TEX264: variants seen among roughly 807,000 people sequenced by gnomAD.
TEX264 encodes testis expressed 264, ER-phagy receptor, also known as testis-expressed protein 264.
A neutral mutation model predicts 23.4 loss-of-function variants in TEX264; 13 were observed. That is an observed-to-expected ratio of 0.56 (90% confidence interval 0.36 to 0.88). The LOEUF (loss-of-function observed/expected upper bound fraction) is 0.88. Ranked by LOEUF, TEX264 falls within the 40% of genes least tolerant of loss-of-function variation. TEX264 has a pLI of 0.01. For missense variants in TEX264, 340 were observed against 406.8 expected (o/e 0.84, Z 1.41); for synonymous variants, 159 against 170.0 (o/e 0.94, Z 0.50).
chr3:51,699,812 A>G lies in TEX264; in HGVS notation c.649+238A>G, dbSNP rs142062982. On this transcript the variant is annotated intron_variant, in intron 4 of 4. Coordinates refer to ENST00000341333, the MANE Select transcript of TEX264 (RefSeq NM_015926.6). ...CACACATTACCTCCTGGCAACACAG[A>G]TACAAAGACCCTGCCTGGATTCCCT... Among the ~76,000 whole-genome samples the G allele has an allele frequency of 4.9e-3, 750 of 152,248 alleles. 4 individuals are homozygous for G. The highest frequency in any genetic ancestry group is 7.8e-3 in the Non-Finnish European group (532 of 68,002).
chr3:51,674,965 C>T (rs1456889860), intron 2 of TEX264, among the ~76,000 whole-genome samples: 1 of 152,232 alleles, frequency 6.6e-6, no homozygotes, highest in Non-Finnish European at 1.5e-5. Flanking sequence ...TTACATCTTG[C>T]TGTTTCTGTG....
chr3:51,694,390 C>G (rs1702977488), intron 3 of TEX264: 1 of 152,154 alleles, frequency 6.6e-6, no homozygotes, highest in African/African-American at 2.4e-5. Flanking sequence ...CTTGACCTCC[C>G]AAAGTGCTAG....
intron 1 of TEX264, among the ~76,000 whole-genome samples, chr3:51,672,827 A>G (rs566676064): frequency 2.0e-5 from 3 of 152,314 alleles, no homozygotes; most frequent in African/African-American, 7.2e-5. Context: ...GTGTTTCAAC[A>G]TTTAGACAGT....
chr3:51,688,971 C>A (rs1467355431), intron 3 of TEX264, among the ~76,000 whole-genome samples: 1 of 151,260 alleles, frequency 6.6e-6, no homozygotes, highest in African/African-American at 2.4e-5. Flanking sequence ...CTAAAAAAAA[C>A]AGAAAAAAAA....
intron 2 of TEX264, among the ~76,000 whole-genome samples, chr3:51,680,776 G>A (rs1325881096): frequency 1.3e-5 from 2 of 152,180 alleles, no homozygotes; most frequent in Non-Finnish European, 2.9e-5. Flanking sequence ...CCTAGGGTTC[G>A]GCCCAAATAC....
intron 3 of TEX264, among the ~76,000 whole-genome samples, chr3:51,694,193 G>A (rs559317789): frequency 3.3e-5 from 5 of 150,172 alleles, no homozygotes; most frequent in Admixed American, 3.3e-4. Flanking sequence ...GTGCAGTGGC[G>A]CGATCTCGGC....
intron 2 of TEX264, among the ~76,000 whole-genome samples, chr3:51,679,905 C>G (rs1430149201): frequency 6.6e-6 from 1 of 152,150 alleles, no homozygotes; most frequent in Non-Finnish European, 1.5e-5. Context: ...GTGCCTGTCT[C>G]CGTGTGCCTT....
Position 51,703,924 on chromosome 3 carries a change from T to A in TEX264, c.850T>A (p.Leu284Ile). ...EELDLEGEGP[L>I]GESRLDPGTE... The stretch of plus-strand genomic sequence containing the variant: ...GCTGGACTTGGAGGGCGAGGGGCCC[T>A]TAGGGGAGTCACGGCTGGACCCTGG... The change falls in exon 5 of 5, where the codon TTA (leucine) becomes ATA (isoleucine). Residue 284 changes from leucine (L) to isoleucine (I), a missense_variant. Coordinates refer to ENST00000341333, the MANE Select transcript of TEX264 (RefSeq NM_015926.6). The surrounding 1 kb of genome is among the most constrained non-coding windows in gnomAD (Gnocchi z 4.8). The A allele has an allele frequency of 6.2e-7, 1 of 1,606,374 alleles. No homozygotes were observed. Among genetic ancestry groups the A allele is most frequent in the African/African-American group, 1.3e-5 (1 of 74,884 alleles).
intron 2 of TEX264, chr3:51,684,149 C>T: frequency 2.0e-6 from 1 of 501,278 alleles, no homozygotes; most frequent in Admixed American, 3.4e-5. Flanking sequence ...CAAGTCTAAC[C>T]CCTCACTATG....
At chr3:51,677,567 G>C (rs940698017) in intron 2 of TEX264, among the ~76,000 whole-genome samples, 2 of 152,156 alleles carry the variant, frequency 1.3e-5, no homozygotes, top group Non-Finnish European at 2.9e-5. Context: ...GAGTAACCAG[G>C]TGAGAGGTGC....
chr3:51,699,657 C>T (rs1703210906), intron 4 of TEX264, 83 bp downstream of exon 4: 1 of 1,523,874 alleles, frequency 6.6e-7, no homozygotes, highest in Admixed American at 1.8e-5. Flanking sequence ...GGAGGCTCCT[C>T]CCTCTCTGGG....
intron 2 of TEX264, among the ~76,000 whole-genome samples, chr3:51,680,314 A>C (rs961451496): frequency 9.9e-5 from 15 of 152,202 alleles, no homozygotes; most frequent in African/African-American, 3.4e-4. Context: ...TCCCAGACTC[A>C]GCGAGGTCTT....
intron 3 of TEX264, among the ~76,000 whole-genome samples, chr3:51,692,217 C>T (rs1402408802): frequency 2.0e-5 from 3 of 152,196 alleles, no homozygotes; most frequent in Non-Finnish European, 4.4e-5. Context: ...GCCTTCTTCC[C>T]CAGGCAGATG....
intron 3 of TEX264, among the ~76,000 whole-genome samples, chr3:51,692,875 C>A (rs1702879126): frequency 6.6e-6 from 1 of 152,204 alleles, no homozygotes; most frequent in Non-Finnish European, 1.5e-5. Flanking sequence ...CACTCCTGTA[C>A]TCCCCAACCC....
intron 4 of TEX264, among the ~76,000 whole-genome samples, chr3:51,700,012 C>T (rs909251298): frequency 3.9e-4 from 59 of 152,106 alleles, no homozygotes; most frequent in African/African-American, 1.2e-3. Flanking sequence ...TCCCTCAGTA[C>T]GGGCCCCACC....
At position 51,686,766 on chromosome 3, in the gene TEX264, T is replaced by C. The variant is rs1183512204; in HGVS notation, c.480+2132T>C. On this transcript the variant is annotated intron_variant, in intron 3 of 4. Transcript: ENST00000341333. This position sits in a 1 kb window ranked among gnomAD's most constrained non-coding sequence, Gnocchi z 4.1. ...CTGCCTCTGGGGAGTCCCGCCCCATTTCATTCAAGGAAGGCCTCTCCAGTC... is the reference window on the plus strand; with the variant it reads ...CTGCCTCTGGGGAGTCCCGCCCCATCTCATTCAAGGAAGGCCTCTCCAGTC... Among the ~76,000 whole-genome samples, 2 of 151,948 alleles carry C rather than the reference T, an allele frequency of 1.3e-5. No homozygotes were observed. Among genetic ancestry groups the C allele is most frequent in the Non-Finnish European group, 2.9e-5 (2 of 67,976 alleles).
chr3:51,700,623 G>C (rs1009667440), intron 4 of TEX264, among the ~76,000 whole-genome samples: 4 of 152,080 alleles, frequency 2.6e-5, no homozygotes, highest in Non-Finnish European at 5.9e-5. Flanking sequence ...AGGGCAGGAA[G>C]ACAGAGTGCC....
chr3:51,682,370 G>A (rs1280069089), intron 2 of TEX264: 1 of 152,308 alleles, frequency 6.6e-6, no homozygotes, highest in African/African-American at 2.4e-5. Context: ...GTGCAAGGTA[G>A]ACTTATGGAG....
Position 51,703,575 on chromosome 3 carries a change from CAGGGTAG to C in TEX264, c.650-144_650-138del. On this transcript the variant is annotated intron_variant, in intron 4 of 4. Coordinates refer to ENST00000341333, the MANE Select transcript of TEX264 (RefSeq NM_015926.6). The surrounding 1 kb of genome is among the most constrained non-coding windows in gnomAD (Gnocchi z 4.8). Reference sequence around the variant, plus strand: ...TCTGCCCTGTCTGTGCAGCCCCAGTCAGGGTAGAGGGCAGAGGGCAGCTGGAGCAAGC... The same window carrying C: ...TCTGCCCTGTCTGTGCAGCCCCAGTCAGGGCAGAGGGCAGCTGGAGCAAGC... The C allele has an allele frequency of 1.7e-6, 1 of 601,214 alleles. No individual in the cohort carries two copies. The highest frequency in any genetic ancestry group is 2.7e-5 in the Admixed American group (1 of 37,490). The allele number at this position is 601,214 out of a possible 1,614,324, so 37.2% of individuals were successfully genotyped here. A position where few individuals can be genotyped will look rare whatever the true frequency, so the allele number is the denominator to read the frequency against.
Sources: allele counts gnomAD v4.1 joint callset (sites outside exome capture counted in the v4.1 genomes callset), GRCh38; gene constraint gnomAD v4.1.1; non-coding constraint Gnocchi (gnomAD v3.1); transcripts MANE v1.5; gene names NCBI Gene and HGNC (gene_info 2026-07-23, HGNC 2026-07-21).